Variants in RYR2 observed in about 807,000 individuals in gnomAD.
RYR2 encodes cardiac muscle ryanodine receptor-calcium release channel.
RYR2 carries 227 observed loss-of-function variants against 601.1 expected under a neutral mutation model. That is an observed-to-expected ratio of 0.38 (90% CI 0.34 to 0.42). The LOEUF is 0.42. RYR2 is among the 10% of genes least tolerant of loss of function. The probability of loss-of-function intolerance (pLI) is 1.00; values close to 1 mark genes in which losing one functional copy is unlikely to be tolerated. For synonymous variants in RYR2, 2,223 were observed against 2,175.1 expected (o/e 1.02, Z -0.61); for missense variants, 4,646 against 6,156.5 (o/e 0.75, Z 8.21).
chr1:237,225,064 T>A (rs189736491), intron 1 of RYR2, among the ~76,000 whole-genome samples: 1 of 152,300 alleles, frequency 6.6e-6, no homozygotes, highest in East Asian at 1.9e-4. Context: ...TTGTTTTCTG[T>A]TGCATAACTA....
At chr1:237,488,861 C>G (rs185075534) in intron 17 of RYR2, among the ~76,000 whole-genome samples, 1 of 152,298 alleles carries the variant, frequency 6.6e-6, no homozygotes, top group Admixed American at 6.5e-5. Context: ...GTTGCTCACA[C>G]AAAGCCTGTT....
intron 1 of RYR2, among the ~76,000 whole-genome samples, chr1:237,119,540 G>A (rs958526419): frequency 6.6e-6 from 1 of 152,186 alleles, no homozygotes. Context: ...ATATCCAGGT[G>A]CAGTGTCAGA....
chr1:237,418,337 CG>C (rs1328871576), intron 11 of RYR2, among the ~76,000 whole-genome samples: 2 of 152,172 alleles, frequency 1.3e-5, no homozygotes, highest in Non-Finnish European at 2.9e-5. Flanking sequence ...CCACCACGCT[CG>C]GCCTAGTATA....
intron 1 of RYR2, among the ~76,000 whole-genome samples, chr1:237,107,003 C>T (rs955516473): frequency 1.3e-5 from 2 of 152,164 alleles, no homozygotes; most frequent in East Asian, 3.9e-4. Flanking sequence ...GGGACATAAA[C>T]ATTTAGTCTG....
At chr1:237,086,218 G>A (rs1430286584) in intron 1 of RYR2, among the ~76,000 whole-genome samples, 1 of 152,202 alleles carries the variant, frequency 6.6e-6, no homozygotes, top group East Asian at 1.9e-4. Context: ...GGCAGGGCTG[G>A]TTTCTTCTAA....
At chr1:237,751,826 TAAAG>T (rs1328778647) in intron 80 of RYR2, among the ~76,000 whole-genome samples, 2 of 152,140 alleles carry the variant, frequency 1.3e-5, no homozygotes, top group Non-Finnish European at 2.9e-5. Context: ...AGATCAGTAA[TAAAG>T]AGAGTGGATA....
chr1:237,641,395 T>G (rs1681459497), intron 47 of RYR2, among the ~76,000 whole-genome samples: 4 of 152,176 alleles, frequency 2.6e-5, no homozygotes, highest in South Asian at 4.1e-4. Context: ...TGCCATCGTT[T>G]TAGGGGAAAG....
chr1:237,781,029 A>ATATG (rs1296286624), intron 88 of RYR2, among the ~76,000 whole-genome samples: 2 of 152,028 alleles, frequency 1.3e-5, no homozygotes, highest in Non-Finnish European at 2.9e-5. Flanking sequence ...TTATTGCTAT[A>ATATG]TATGTTCATT....
intron 12 of RYR2, among the ~76,000 whole-genome samples, chr1:237,436,454 CTTTTT>C (rs551140501): frequency 0.19 from 9,371 of 48,718 alleles, 619 homozygotes; most frequent in Admixed American, 0.32. Context: ...TGTGATTTTC[CTTTTT>C]TTTTTTTTTT....
At chr1:237,765,838 T>C (rs1387543534) in intron 84 of RYR2, among the ~76,000 whole-genome samples, 7 of 152,212 alleles carry the variant, frequency 4.6e-5, no homozygotes, top group African/African-American at 1.7e-4. Flanking sequence ...GACTATTATG[T>C]GCTAGATGGT....
At chr1:237,433,627 C>T (rs60811417) in intron 12 of RYR2, among the ~76,000 whole-genome samples, 27,778 of 152,056 alleles carry the variant, frequency 0.18, 4,111 homozygotes, top group African/African-American at 0.41. Flanking sequence ...CTTTAAAATA[C>T]ATATTGGATT....
intron 84 of RYR2, 71 bp from the exon 85 acceptor site, chr1:237,770,736 G>A: frequency 1.1e-6 from 1 of 911,534 alleles, no homozygotes; most frequent in Admixed American, 2.0e-5. Flanking sequence ...AAGTTGTATG[G>A]AGGTGGGGAC....
At chr1:237,719,187 G>A (rs774671010) in intron 73 of RYR2, among the ~76,000 whole-genome samples, 3 of 152,114 alleles carry the variant, frequency 2.0e-5, no homozygotes, top group Non-Finnish European at 2.9e-5. Flanking sequence ...AGCCTGGGAG[G>A]TGGAGGTTGC....
chr1:237,081,572 G>T lies in RYR2; in HGVS notation c.48+39003G>T, dbSNP rs148930577. 4.0e-3 allele frequency among the ~76,000 whole-genome samples: 614 copies of T among 151,732 alleles called. 3 individuals carry two copies. The highest frequency in any genetic ancestry group is 7.4e-3 in the Admixed American group (112 of 15,220). On this transcript the variant is annotated intron_variant, in intron 1 of 104. Coordinates refer to ENST00000366574, the MANE Select transcript of RYR2 (RefSeq NM_001035.3). ...ATATCATAATTTAGACATTTCTCAT[G>T]CATTTATGTTCCAGATATGTGTTAC...
At chr1:237,431,006 C>T (rs1706753360) in intron 12 of RYR2, among the ~76,000 whole-genome samples, 1 of 152,158 alleles carries the variant, frequency 6.6e-6, no homozygotes, top group Non-Finnish European at 1.5e-5. Flanking sequence ...CTCAACTCTT[C>T]TTTAACTGAG....
intron 1 of RYR2, among the ~76,000 whole-genome samples, chr1:237,200,227 A>G (rs1227577503): frequency 6.6e-6 from 1 of 151,222 alleles, no homozygotes; most frequent in Non-Finnish European, 1.5e-5. Flanking sequence ...ATTGTTTACC[A>G]TCTGTTTGCA....
At chr1:237,727,308 GA>G in intron 76 of RYR2, 109 bp downstream of exon 76, 1 of 463,304 alleles carries the variant, frequency 2.2e-6, no homozygotes, top group Non-Finnish European at 3.8e-6. Flanking sequence ...GAGAAGGATG[GA>G]AAAGCTTTAT....
At chr1:237,704,642 T>C (rs1688224978) in intron 66 of RYR2, among the ~76,000 whole-genome samples, 2 of 152,254 alleles carry the variant, frequency 1.3e-5, no homozygotes, top group African/African-American at 4.8e-5. Flanking sequence ...GAGGTCACTT[T>C]TTTAGGTTCT....
chr1:237,171,025 G>A (rs1356768829), intron 1 of RYR2, among the ~76,000 whole-genome samples: 2 of 152,016 alleles, frequency 1.3e-5, no homozygotes, highest in African/African-American at 4.8e-5. Context: ...ATGAGGTCGG[G>A]AGATCGAGAC....
Sources: gnomAD v4.1 joint callset for allele counts (sites outside exome capture counted in the v4.1 genomes callset) on GRCh38, gnomAD v4.1.1 for gene constraint, MANE v1.5 for transcripts, NCBI Gene and HGNC (gene_info 2026-07-23, HGNC 2026-07-21) for gene names.